PXDNL: variants seen among roughly 807,000 people sequenced by gnomAD.
The protein encoded by PXDNL is peroxidasin like.
In PXDNL, 145 loss-of-function variants were observed where a neutral mutation model predicts 150.8. The ratio of observed to expected loss-of-function variants is 0.96; its 90% CI spans 0.84 to 1.10. The LOEUF (loss-of-function observed/expected upper bound fraction) is 1.10, where lower values mean the gene tolerates loss of function less well. Ranked by LOEUF, PXDNL falls within the 50% of genes least tolerant of loss-of-function variation. The pLI is 0.00. For synonymous variants in PXDNL, 757 were observed against 725.7 expected (o/e 1.04, Z -0.69); for missense variants, 2,087 against 1,873.9 (o/e 1.11, Z -2.10).
At chr8:51,394,542 G>A (rs1320813206) in intron 17 of PXDNL, among the ~76,000 whole-genome samples, 1 of 152,062 alleles carries the variant, frequency 6.6e-6, no homozygotes, top group South Asian at 2.1e-4. Context: ...ATTCTTAAAG[G>A]GTGGCTAGTA....
chr8:51,605,225 G>C (rs574358186), intron 2 of PXDNL, among the ~76,000 whole-genome samples: 3 of 152,106 alleles, frequency 2.0e-5, no homozygotes, highest in Admixed American at 2.0e-4. Context: ...TGGACATATA[G>C]GTCTCAAGAT....
chr8:51,654,250 A>G (rs1815103629), intron 2 of PXDNL, among the ~76,000 whole-genome samples: 1 of 152,230 alleles, frequency 6.6e-6, no homozygotes, highest in Admixed American at 6.5e-5. Flanking sequence ...CTATCATAAA[A>G]CAGCATCTCT....
At chr8:51,426,999 A>G (rs541185756) in intron 12 of PXDNL, among the ~76,000 whole-genome samples, 3 of 152,306 alleles carry the variant, frequency 2.0e-5, no homozygotes, top group Admixed American at 6.5e-5. Flanking sequence ...CTACATTTGT[A>G]TTTTTAACAT....
intron 1 of PXDNL, among the ~76,000 whole-genome samples, chr8:51,805,474 T>TA (rs1286041564): frequency 6.7e-6 from 1 of 148,778 alleles, no homozygotes; most frequent in African/African-American, 2.4e-5. Flanking sequence ...TATATATATA[T>TA]AAAATGAATG....
intron 12 of PXDNL, among the ~76,000 whole-genome samples, chr8:51,436,794 G>T (rs939237148): frequency 6.6e-6 from 1 of 151,850 alleles, no homozygotes; most frequent in Non-Finnish European, 1.5e-5. Context: ...CACACCTCAA[G>T]GAACTAGAGA....
chr8:51,479,066 CT>C (rs1453570765), intron 6 of PXDNL, among the ~76,000 whole-genome samples: 1 of 152,208 alleles, frequency 6.6e-6, no homozygotes, highest in Admixed American at 6.5e-5. Context: ...CCCTCAGCCT[CT>C]TTATTGGCAG....
intron 5 of PXDNL, among the ~76,000 whole-genome samples, chr8:51,497,272 A>G (rs553494302): frequency 2.0e-5 from 3 of 152,320 alleles, no homozygotes; most frequent in South Asian, 4.1e-4. Flanking sequence ...GACACCTTAT[A>G]CAAAAATTCA....
At chr8:51,342,337 T>C (rs977925890) in intron 20 of PXDNL, among the ~76,000 whole-genome samples, 1 of 152,064 alleles carries the variant, frequency 6.6e-6, no homozygotes, top group Non-Finnish European at 1.5e-5. Context: ...TAATTATTTA[T>C]ATTTTTAGTT....
rs556298680 is a variant in PXDNL, at chr8:51,785,143, C to T, written c.164+24038G>A. Among the ~76,000 whole-genome samples the T allele has an allele frequency of 1.1e-4, 17 of 152,152 alleles. No homozygotes were observed. In the South Asian group the frequency reaches 3.5e-3, roughly 32 times the overall value. On this transcript the variant is annotated intron_variant, in intron 1 of 22. Coordinates refer to ENST00000356297, the MANE Select transcript of PXDNL (RefSeq NM_144651.5). ...AAGCTGTTTCTAGGATGCACTTGAT[C>T]GTGGTCCTTTACACTCTTCTAAAAC...
chr8:51,644,321 C>CATAT lies in PXDNL; in HGVS notation c.236+10364_236+10367dup, dbSNP rs369187025. The stretch of plus-strand genomic sequence containing the variant: ...ACCCTGTAGCAAAGGCACATTTTTA[C>CATAT]ATATATATATATATATACACACACA... On this transcript the variant is annotated intron_variant, in intron 2 of 22. Coordinates refer to ENST00000356297, the MANE Select transcript of PXDNL (RefSeq NM_144651.5). Among the ~76,000 whole-genome samples, 175 of 55,888 alleles carry CATAT rather than the reference C, an allele frequency of 3.1e-3. 3 individuals carry two copies. Among genetic ancestry groups the CATAT allele is most frequent in the African/African-American group, 6.2e-3 (150 of 24,192 alleles). The allele number at this position is 55,888 out of a possible 152,430, so 36.7% of individuals were successfully genotyped here.
intron 21 of PXDNL, among the ~76,000 whole-genome samples, chr8:51,326,465 T>C (rs1268812721): frequency 1.3e-5 from 2 of 152,154 alleles, no homozygotes; most frequent in Non-Finnish European, 2.9e-5. Context: ...ACCACTGCAT[T>C]CTAGCCTGGG....
intron 19 of PXDNL, among the ~76,000 whole-genome samples, chr8:51,369,775 G>A (rs1807038502): frequency 6.6e-6 from 1 of 152,054 alleles, no homozygotes; most frequent in African/African-American, 2.4e-5. Flanking sequence ...TATTGATTGG[G>A]ACCACAGATC....
rs1563471206 is a variant in PXDNL at position 51,578,000 on chromosome 8, AGGAAGGAAGGAAGGAAGGAAGG to A, written c.308+14605_308+14626del. On this transcript the variant is annotated intron_variant, in intron 3 of 22. Transcript: ENST00000356297. ...GAAAGAAAGAAAGAAAGAAAGAAAG[AGGAAGGAAGGAAGGAAGGAAGG>A]AAGGAAGGAAGGAAGGAAGGAAGGA... Among the ~76,000 whole-genome samples, 92 of 25,496 alleles carry A rather than the reference AGGAAGGAAGGAAGGAAGGAAGG, an allele frequency of 3.6e-3. 1 individual carries two copies. Among genetic ancestry groups the A allele is most frequent in the African/African-American group, 0.012 (86 of 7,392 alleles). 16.7% of individuals were successfully genotyped at this position (25,496 alleles called of 152,430 possible).
intron 17 of PXDNL, among the ~76,000 whole-genome samples, chr8:51,390,616 C>A (rs1200135488): frequency 6.6e-6 from 1 of 152,028 alleles, no homozygotes; most frequent in Non-Finnish European, 1.5e-5. Flanking sequence ...ACATAAAGCA[C>A]ATTGACTGCT....
chr8:51,423,594 G>A lies in PXDNL; in HGVS notation c.1776C>T (p.Asn592=), dbSNP rs758565106. Residue 592 remains asparagine, a synonymous_variant, in exon 14 of 23, where the codon AAC becomes AAT. Coordinates refer to ENST00000356297, the MANE Select transcript of PXDNL (RefSeq NM_144651.5). ...ACCTACCCGTGACTGTAAGAAACAT[G>A]TTGGTCACAGCAAGGCCAAAAGAAT... ...ARNSFGLAVT[N]MFLTVTAIQG... is the part of the protein sequence containing the mutation. The A allele has an allele frequency of 6.8e-6, 11 of 1,613,626 alleles. No individual in the cohort carries two copies. Among genetic ancestry groups the A allele is most frequent in the South Asian group, 1.1e-5 (1 of 91,070 alleles).
intron 1 of PXDNL, among the ~76,000 whole-genome samples, chr8:51,754,104 C>T (rs2037073604): frequency 2.0e-5 from 3 of 152,090 alleles, no homozygotes; most frequent in African/African-American, 7.2e-5. Flanking sequence ...ACAGTGTTTG[C>T]TATGTGTGTA....
chr8:51,717,493 A>C (rs1321171376), intron 1 of PXDNL, among the ~76,000 whole-genome samples: 3 of 152,216 alleles, frequency 2.0e-5, no homozygotes, highest in Admixed American at 2.0e-4. Flanking sequence ...CTGCCATCCC[A>C]TCAGTCACAG....
At chr8:51,470,460 G>C (rs1448856832) in intron 8 of PXDNL, among the ~76,000 whole-genome samples, 1 of 152,018 alleles carries the variant, frequency 6.6e-6, no homozygotes, top group East Asian at 1.9e-4. Flanking sequence ...CGTGACAAAA[G>C]AAAGTCAGTG....
At position 51,403,168 on chromosome 8, in the gene PXDNL, G is replaced by C. The variant is rs190985148; in HGVS notation, c.3557+4899C>G. Among the ~76,000 whole-genome samples, 48 of 149,566 alleles carry C rather than the reference G, an allele frequency of 3.2e-4. No homozygotes were observed. In the East Asian group the frequency reaches 7.0e-3, roughly 22 times the overall value. On this transcript the variant is annotated intron_variant, in intron 17 of 22. Transcript: ENST00000356297. ...GAGAGCAAGAATAATCTTATAAAAA[G>C]AAAATAATTCATTTTCATATGATCC...
Sources: allele counts gnomAD v4.1 joint callset (sites outside exome capture counted in the v4.1 genomes callset), GRCh38; gene constraint gnomAD v4.1.1; transcripts MANE v1.5; gene names NCBI Gene and HGNC (gene_info 2026-07-23, HGNC 2026-07-21).